RBFOX1: variants seen among roughly 807,000 people sequenced by gnomAD.
The protein encoded by RBFOX1 is RNA binding fox-1 homolog 1.
RBFOX1 carries 8 observed loss-of-function variants against 57.7 expected under a neutral mutation model. The ratio of observed to expected loss-of-function variants is 0.14; its 90% CI spans 0.08 to 0.25. The LOEUF is 0.25. Ranked by LOEUF, RBFOX1 falls within the 10% of genes least tolerant of loss-of-function variation. The probability of loss-of-function intolerance (pLI) is 1.00; values close to 1 mark genes in which losing one functional copy is unlikely to be tolerated. For synonymous variants in RBFOX1, 326 were observed against 222.4 expected (o/e 1.47, Z -4.15); for missense variants, 611 against 548.5 (o/e 1.11, Z -1.14).
At chr16:6,803,512 T>C (rs1295277360) in intron 3 of RBFOX1, among the ~76,000 whole-genome samples, 1 of 152,188 alleles carries the variant, frequency 6.6e-6, no homozygotes, top group Non-Finnish European at 1.5e-5. Context: ...CTGTGTATAA[T>C]CTAGATTTCC....
rs559832680 is a variant in RBFOX1 at position 5,625,940 on chromosome 16, A to G, written c.318+26979A>G. ...TGCCCAGGCTAGAGTTCAATGGCAC[A>G]ATCTCAGCTCACTGCACCCTCCGCC... On this transcript the variant is annotated intron_variant, in intron 3 of 19. Coordinates refer to the RBFOX1 transcript ENST00000641259. 1.5e-3 allele frequency among the ~76,000 whole-genome samples: 235 copies of G among 151,778 alleles called. 1 individual carries two copies. The highest frequency in any genetic ancestry group is 5.2e-3 in the African/African-American group (214 of 41,346).
intron 3 of RBFOX1, chr16:5,838,087 CAGA>C (rs2056517209): frequency 6.5e-6 from 1 of 153,086 alleles, no homozygotes; most frequent in African/African-American, 2.4e-5. Flanking sequence ...TACTACATGG[CAGA>C]AGATGATGCA....
intron 3 of RBFOX1, among the ~76,000 whole-genome samples, chr16:6,676,642 C>G (rs904342677): frequency 6.8e-6 from 1 of 147,232 alleles, no homozygotes; most frequent in Non-Finnish European, 1.5e-5. Context: ...TCTCAACTTA[C>G]TTTCTTTTTT....
At chr16:7,156,073 T>A (rs937202244) in intron 4 of RBFOX1, among the ~76,000 whole-genome samples, 1 of 152,008 alleles carries the variant, frequency 6.6e-6, no homozygotes. Flanking sequence ...AGTTTCACCA[T>A]GTTGCTCAGG....
In RBFOX1 at chr16:6,765,711, A is replaced by G. The variant is rs150042538; in HGVS notation, c.-16+111061A>G. Among the ~76,000 whole-genome samples, 1,392 of 152,232 alleles carry G rather than the reference A, an allele frequency of 9.1e-3. 20 individuals are homozygous for G. Among genetic ancestry groups the G allele is most frequent in the African/African-American group, 0.032 (1,313 of 41,520 alleles). On this transcript the variant is annotated intron_variant, in intron 3 of 15. Transcript: ENST00000550418. ...TATATTTATCATAACACAATTCACAATTGCAAAGATACAGAATCAGCCTTA... is the reference window on the plus strand; with the variant it reads ...TATATTTATCATAACACAATTCACAGTTGCAAAGATACAGAATCAGCCTTA...
At chr16:7,305,302 A>T (rs1010918003) in intron 4 of RBFOX1, among the ~76,000 whole-genome samples, 3 of 151,744 alleles carry the variant, frequency 2.0e-5, no homozygotes, top group Admixed American at 1.3e-4. Flanking sequence ...TTCTTTCTTT[A>T]TTGGAAGGGT....
intron 1 of RBFOX1, among the ~76,000 whole-genome samples, chr16:5,316,978 G>A (rs897932053): frequency 3.3e-5 from 5 of 152,078 alleles, no homozygotes; most frequent in Non-Finnish European, 5.9e-5. Flanking sequence ...GGAGGAGCTG[G>A]GATGCCCATA....
chr16:7,460,387 A>ATGTG lies in RBFOX1; in HGVS notation c.28-57759_28-57758insGTGT, dbSNP rs1428436633. 3.7e-3 allele frequency among the ~76,000 whole-genome samples: 280 copies of ATGTG among 75,454 alleles called. 8 individuals are homozygous for ATGTG. The highest frequency in any genetic ancestry group is 0.022 in the African/African-American group (247 of 11,218). 49.5% of individuals were successfully genotyped at this position (75,454 alleles called of 152,430 possible). ...TTTAGCAAAATATATATATATATAT[A>ATGTG]TATGTGTGTGTGTGTGTGTGTGTGT... On this transcript the variant is annotated intron_variant, in intron 4 of 15. Transcript: ENST00000550418.
chr16:5,282,453 G>T (rs2063296104), intron 1 of RBFOX1, among the ~76,000 whole-genome samples: 1 of 152,208 alleles, frequency 6.6e-6, no homozygotes, highest in Admixed American at 6.5e-5. Context: ...CTCAGAAGGA[G>T]ACAGGAAAAT....
At chr16:5,721,592 C>T (rs922840954) in intron 3 of RBFOX1, among the ~76,000 whole-genome samples, 3 of 152,120 alleles carry the variant, frequency 2.0e-5, no homozygotes, top group Admixed American at 6.5e-5. Context: ...TATGATGCCA[C>T]CTGGGAGTGT....
At chr16:6,388,479 T>G (rs930856285) in intron 2 of RBFOX1, among the ~76,000 whole-genome samples, 2 of 152,136 alleles carry the variant, frequency 1.3e-5, no homozygotes, top group African/African-American at 4.8e-5. Flanking sequence ...TACTTATTAT[T>G]TATTATTTTT....
intron 3 of RBFOX1, among the ~76,000 whole-genome samples, chr16:6,779,982 T>G (rs1189358909): frequency 5.6e-5 from 3 of 53,940 alleles, no homozygotes; most frequent in Admixed American, 3.4e-4. Context: ...TTTATATATT[T>G]ATATATTTAT....
At chr16:7,249,076 G>A (rs1461708322) in intron 4 of RBFOX1, among the ~76,000 whole-genome samples, 1 of 152,068 alleles carries the variant, frequency 6.6e-6, no homozygotes, top group Non-Finnish European at 1.5e-5. Flanking sequence ...CCAGGAATAG[G>A]ACTGATAGGA....
At chr16:7,161,017 G>A (rs757984444) in intron 4 of RBFOX1, among the ~76,000 whole-genome samples, 33 of 152,216 alleles carry the variant, frequency 2.2e-4, no homozygotes, top group Admixed American at 2.6e-4. Context: ...TAGATGTGTT[G>A]GTCCATTTGT....
chr16:7,343,899 G>A (rs1458155642), intron 4 of RBFOX1, among the ~76,000 whole-genome samples: 12 of 152,016 alleles, frequency 7.9e-5, no homozygotes, highest in Non-Finnish European at 1.8e-4. Flanking sequence ...CCACAATATA[G>A]CACCTGGCAC....
chr16:5,429,044 C>G (rs1425121918), intron 1 of RBFOX1, among the ~76,000 whole-genome samples: 1 of 152,144 alleles, frequency 6.6e-6, no homozygotes, highest in Non-Finnish European at 1.5e-5. Flanking sequence ...TACGAAGTTG[C>G]TAGGCTCTCC....
chr16:5,908,275 C>T (rs1429500148), intron 4 of RBFOX1, among the ~76,000 whole-genome samples: 2 of 147,476 alleles, frequency 1.4e-5, no homozygotes, highest in Non-Finnish European at 3.0e-5. Context: ...CATATATATA[C>T]ATACATATAT....
At chr16:6,957,140 A>ATTTG (rs2082032547) in intron 3 of RBFOX1, among the ~76,000 whole-genome samples, 1 of 145,986 alleles carries the variant, frequency 6.8e-6, no homozygotes, top group South Asian at 2.2e-4. Context: ...TTATTTATTT[A>ATTTG]TTTATTTTTG....
intron 1 of RBFOX1, among the ~76,000 whole-genome samples, chr16:6,185,285 T>C (rs2097097938): frequency 6.6e-6 from 1 of 152,226 alleles, no homozygotes; most frequent in South Asian, 2.1e-4. Flanking sequence ...AAAACTTGTC[T>C]ATATTTGCTA....
Sources: gnomAD v4.1 joint callset for allele counts (sites outside exome capture counted in the v4.1 genomes callset) on GRCh38, gnomAD v4.1.1 for gene constraint, MANE v1.5 for transcripts, NCBI Gene and HGNC (gene_info 2026-07-23, HGNC 2026-07-21) for gene names.